The following MYO16 variants were observed in gnomAD, a reference collection of about 807,000 sequenced individuals.
MYO16 encodes myosin XVI.
In MYO16, 94 loss-of-function variants were observed where a neutral mutation model predicts 205.3. The observed-to-expected ratio is 0.46, with a 90% CI of 0.39 to 0.54. The LOEUF (loss-of-function observed/expected upper bound fraction) is 0.54. Ranked by LOEUF, MYO16 falls within the 20% of genes least tolerant of loss-of-function variation. The pLI, the probability that MYO16 is intolerant of heterozygous loss-of-function variation, is 0.00. For missense variants in MYO16, 2,315 were observed against 2,387.5 expected, an observed-to-expected ratio of 0.97 and a Z score of 0.63; for synonymous variants, 988 against 954.0, an observed-to-expected ratio of 1.04 and a Z score of -0.66.
At chr13:108,973,870 T>C (rs1884148530) in intron 20 of MYO16, among the ~76,000 whole-genome samples, 2 of 152,164 alleles carry the variant, frequency 1.3e-5, no homozygotes, top group African/African-American at 4.8e-5. Flanking sequence ...TTGTTATCTT[T>C]ACTTAATTAG....
Position 108,636,851 on chromosome 13 carries a change from G to A in MYO16, c.28+6979G>A, listed in dbSNP as rs190521753. Among the ~76,000 whole-genome samples the A allele has an allele frequency of 6.6e-4, 100 of 152,246 alleles. 1 individual carries two copies. Among genetic ancestry groups the A allele is most frequent in the Admixed American group, 6.3e-3 (96 of 15,294 alleles). On this transcript the variant is annotated intron_variant, in intron 1 of 34. Transcript: ENST00000457511. Reference sequence around the variant, plus strand: ...AACTGAGACTAATCTTTATGACACTGTATCTCTAATTATAGGAATCTTATA... The same window carrying A: ...AACTGAGACTAATCTTTATGACACTATATCTCTAATTATAGGAATCTTATA...
chr13:108,782,561 A>C (rs1200391550), intron 4 of MYO16, among the ~76,000 whole-genome samples: 1 of 152,210 alleles, frequency 6.6e-6, no homozygotes, highest in Non-Finnish European at 1.5e-5. Context: ...CATAAGTGGC[A>C]AGGAGCCTAA....
Position 108,844,323 on chromosome 13 carries a change from A to G in MYO16, c.1098-20A>G. On this transcript the variant is annotated intron_variant, in intron 9 of 34. Coordinates refer to ENST00000457511, the MANE Select transcript of MYO16 (RefSeq NM_001198950.3). ...ACATTAGAAAGAGACTAATTGTAGT[A>G]TTGATTTTTTTTCCTGTAGCAGTCC... is the stretch of plus-strand genomic sequence containing the variant. 2 of 1,598,812 alleles carry G rather than the reference A, an allele frequency of 1.3e-6. No homozygotes were observed. Among genetic ancestry groups the G allele is most frequent in the Admixed American group, 3.4e-5 (2 of 58,972 alleles).
chr13:109,046,911 T>C lies in MYO16; in HGVS notation c.2797-5T>C. ...TAGTAATTATGCTGCTTTCTTTTAT[T>C]CTAGGTAATGTATGATGTTGTTGGG... On this transcript the variant is annotated splice_polypyrimidine_tract_variant and splice_region_variant and intron_variant, in intron 23 of 34. Transcript: ENST00000457511. The C allele has an allele frequency of 6.3e-7, 1 of 1,598,520 alleles. No individual in the cohort carries two copies. Among genetic ancestry groups the C allele is most frequent in the African/African-American group, 1.3e-5 (1 of 74,592 alleles).
At chr13:109,010,953 A>AATATTATATATATAT (rs1885570154) in intron 22 of MYO16, among the ~76,000 whole-genome samples, 1 of 131,276 alleles carries the variant, frequency 7.6e-6, no homozygotes, top group African/African-American at 3.0e-5. Flanking sequence ...TATTACATAT[A>AATATTATATATATAT]ATATTATATA....
At chr13:108,686,857 C>T (rs1375444101) in intron 2 of MYO16, among the ~76,000 whole-genome samples, 1 of 152,118 alleles carries the variant, frequency 6.6e-6, no homozygotes, top group Non-Finnish European at 1.5e-5. Context: ...GAGTGAAATG[C>T]TTCCTGGAAA....
intron 28 of MYO16, among the ~76,000 whole-genome samples, chr13:109,109,521 A>G (rs908226915): frequency 6.6e-6 from 1 of 152,170 alleles, no homozygotes; most frequent in South Asian, 2.1e-4. Context: ...TCCCAAGCCA[A>G]TGTGGCAGCT....
intron 2 of MYO16, among the ~76,000 whole-genome samples, chr13:108,678,949 G>A (rs1214557990): frequency 6.6e-6 from 1 of 152,134 alleles, no homozygotes; most frequent in African/African-American, 2.4e-5. Flanking sequence ...TTCATCAATG[G>A]CAGCTTCTTA....
chr13:108,974,597 T>C (rs1220899959), intron 20 of MYO16, among the ~76,000 whole-genome samples: 2 of 152,216 alleles, frequency 1.3e-5, no homozygotes, highest in African/African-American at 4.8e-5. Context: ...CTAAGTCTTT[T>C]GTATAATGAT....
chr13:108,729,777 G>A (rs1187985715), intron 4 of MYO16, among the ~76,000 whole-genome samples: 1 of 150,412 alleles, frequency 6.6e-6, no homozygotes, highest in Admixed American at 6.6e-5. Context: ...TGCCAGCCAG[G>A]ATTCCCTTCC....
chr13:108,643,017 T>C (rs1880579665), intron 1 of MYO16, among the ~76,000 whole-genome samples: 1 of 152,116 alleles, frequency 6.6e-6, no homozygotes, highest in Non-Finnish European at 1.5e-5. Flanking sequence ...GGAGGTATAA[T>C]TTACATACAG....
At chr13:108,606,381 C>T (rs186001150) in intron 1 of MYO16, among the ~76,000 whole-genome samples, 2 of 152,136 alleles carry the variant, frequency 1.3e-5, no homozygotes, top group African/African-American at 4.8e-5. Context: ...TCAGGGCCCC[C>T]TTTCTCTGTG....
intron 34 of MYO16, among the ~76,000 whole-genome samples, chr13:109,199,244 T>C (rs1258634170): frequency 8.4e-6 from 1 of 118,578 alleles, no homozygotes; most frequent in Non-Finnish European, 1.8e-5. Context: ...ATATATACCG[T>C]CATTTTGCCT....
intron 1 of MYO16, among the ~76,000 whole-genome samples, chr13:108,638,050 C>T (rs1880337411): frequency 6.6e-6 from 1 of 152,084 alleles, no homozygotes; most frequent in African/African-American, 2.4e-5. Context: ...TAACGAACTA[C>T]TGAGTGACCT....
intron 20 of MYO16, among the ~76,000 whole-genome samples, chr13:108,976,354 CAG>C (rs1343515801): frequency 3.9e-5 from 6 of 152,030 alleles, no homozygotes; most frequent in South Asian, 2.1e-4. Context: ...TTTCATTTAA[CAG>C]GGACAAAAAC....
At chr13:108,932,238 G>A (rs1882287836) in intron 16 of MYO16, among the ~76,000 whole-genome samples, 1 of 151,998 alleles carries the variant, frequency 6.6e-6, no homozygotes, top group East Asian at 1.9e-4. Flanking sequence ...ATCCATAGTT[G>A]TTTTGTTAAA....
chr13:109,035,007 G>A (rs1429558112), intron 23 of MYO16, among the ~76,000 whole-genome samples: 1 of 152,124 alleles, frequency 6.6e-6, no homozygotes, highest in Non-Finnish European at 1.5e-5. Context: ...TGTTTCTATA[G>A]GTTGAGAAGC....
the MYO16 span, among the ~76,000 whole-genome samples, chr13:108,550,100 T>C: frequency 6.6e-6 from 1 of 152,222 alleles, no homozygotes; most frequent in South Asian, 2.1e-4. Flanking sequence ...GGATTGCAGA[T>C]GGACAAGAAG....
chr13:108,784,033 G>A (rs1030322343), intron 4 of MYO16, among the ~76,000 whole-genome samples: 4 of 152,166 alleles, frequency 2.6e-5, no homozygotes, highest in African/African-American at 9.7e-5. Flanking sequence ...CTACATGGCT[G>A]TGATAACAAG....
Sources: allele counts gnomAD v4.1 joint callset (sites outside exome capture counted in the v4.1 genomes callset), GRCh38; gene constraint gnomAD v4.1.1; transcripts MANE v1.5; gene names NCBI Gene and HGNC (gene_info 2026-07-23, HGNC 2026-07-21).